FMN1: variants seen among roughly 807,000 people sequenced by gnomAD.
The protein encoded by FMN1 is formin-1.
FMN1 carries 110 observed loss-of-function variants against 132.4 expected under a neutral mutation model. The observed-to-expected ratio is 0.83, with a 90% CI of 0.71 to 0.97. The LOEUF is 0.97. Among genes scored for constraint, FMN1 ranks in the 50% least tolerant of loss-of-function variants. The pLI, the probability that FMN1 is intolerant of heterozygous loss-of-function variation, is 0.00. For synonymous variants in FMN1, 722 were observed against 651.7 expected (o/e 1.11, Z -1.64); for missense variants, 1,792 against 1,705.3 (o/e 1.05, Z -0.90).
At chr15:32,855,253 C>T (rs1016086389) in intron 17 of FMN1, among the ~76,000 whole-genome samples, 19 of 151,408 alleles carry the variant, frequency 1.3e-4, no homozygotes, top group African/African-American at 4.1e-4. Context: ...GAGTTGGGCC[C>T]GGGTATCAAG....
intron 6 of FMN1, among the ~76,000 whole-genome samples, chr15:33,050,434 G>A (rs2036917004): frequency 6.6e-6 from 1 of 151,708 alleles, no homozygotes; most frequent in African/African-American, 2.4e-5. Context: ...AAATCAGTAA[G>A]AAAAATGACT....
intron 6 of FMN1, among the ~76,000 whole-genome samples, chr15:33,024,287 C>A: frequency 7.8e-6 from 1 of 128,422 alleles, no homozygotes; most frequent in South Asian, 2.6e-4. Flanking sequence ...CGCTCTGTCG[C>A]CCAGGCTGGA....
At chr15:33,141,186 A>G (rs184408471) in intron 4 of FMN1, among the ~76,000 whole-genome samples, 21 of 152,276 alleles carry the variant, frequency 1.4e-4, no homozygotes, top group Admixed American at 1.3e-3. Context: ...AATATAGACA[A>G]ATTCACCAGT....
At chr15:32,867,770 C>T (rs1285889525) in intron 16 of FMN1, among the ~76,000 whole-genome samples, 3 of 152,308 alleles carry the variant, frequency 2.0e-5, no homozygotes, top group South Asian at 4.1e-4. Context: ...GGATTACAGG[C>T]GTGAGCCACC....
At chr15:32,835,487 T>C (rs2058601545) in intron 17 of FMN1, among the ~76,000 whole-genome samples, 1 of 152,174 alleles carries the variant, frequency 6.6e-6, no homozygotes, top group South Asian at 2.1e-4. Context: ...AAACCAAAGA[T>C]GCTTGGAGAT....
chr15:32,964,867 C>A (rs2031042090), intron 8 of FMN1, among the ~76,000 whole-genome samples: 1 of 152,118 alleles, frequency 6.6e-6, no homozygotes, highest in African/African-American at 2.4e-5. Flanking sequence ...CAAAAACCAA[C>A]CAAAAACCTC....
chr15:32,792,213 G>A (rs1433511347), intron 19 of FMN1, among the ~76,000 whole-genome samples: 2 of 149,678 alleles, frequency 1.3e-5, no homozygotes, highest in Non-Finnish European at 3.0e-5. Flanking sequence ...GCCGAGGCGG[G>A]CAGATCACGA....
At chr15:32,888,792 A>G (rs2059955778) in intron 15 of FMN1, among the ~76,000 whole-genome samples, 1 of 152,048 alleles carries the variant, frequency 6.6e-6, no homozygotes, top group Non-Finnish European at 1.5e-5. Flanking sequence ...CTGTGGCTTA[A>G]AGCTCTTCTG....
chr15:33,002,312 A>G (rs1160953194), intron 7 of FMN1, among the ~76,000 whole-genome samples: 1 of 152,194 alleles, frequency 6.6e-6, no homozygotes, highest in Non-Finnish European at 1.5e-5. Flanking sequence ...ATAGCTGCCA[A>G]TGGAAATCAC....
intron 6 of FMN1, among the ~76,000 whole-genome samples, chr15:33,020,874 CATTTGATCATTTTAT>C (rs1362078104): frequency 1.3e-5 from 2 of 152,128 alleles, no homozygotes; most frequent in Admixed American, 1.3e-4. Flanking sequence ...TATTGTATTT[CATTTGATCATTTTAT>C]ATATGTTAAT....
chr15:33,129,045 G>A (rs372288993), intron 4 of FMN1, among the ~76,000 whole-genome samples: 1 of 147,310 alleles, frequency 6.8e-6, no homozygotes, highest in African/African-American at 2.6e-5. Flanking sequence ...CCTCTAGCTA[G>A]ACACAGAGCA....
At chr15:32,854,131 T>A (rs1225980194) in intron 17 of FMN1, among the ~76,000 whole-genome samples, 1 of 152,248 alleles carries the variant, frequency 6.6e-6, no homozygotes, top group Non-Finnish European at 1.5e-5. Context: ...TTATTTAACA[T>A]ATCTAAAATG....
intron 6 of FMN1, among the ~76,000 whole-genome samples, chr15:33,055,549 A>C (rs1414241868): frequency 6.6e-6 from 1 of 152,214 alleles, no homozygotes; most frequent in African/African-American, 2.4e-5. Flanking sequence ...AGGCTTTTCA[A>C]TAAACAATTC....
In FMN1 at chr15:33,086,403, G is replaced by A. The variant is rs577764741; in HGVS notation, c.2043+2396C>T. On this transcript the variant is annotated intron_variant, in intron 5 of 20. Coordinates refer to ENST00000616417, the MANE Select transcript of FMN1 (RefSeq NM_001277313.2). ...ATCAAATTGTACAGTCGTCTCAGCT[G>A]CTAAGATTATGAGGTTTTTTTTTCA... 3.3e-5 allele frequency among the ~76,000 whole-genome samples: 5 copies of A among 151,530 alleles called. No homozygotes were observed. In the East Asian group the frequency reaches 9.7e-4, roughly 29 times the overall value.
intron 4 of FMN1, among the ~76,000 whole-genome samples, chr15:33,090,727 T>A (rs563649988): frequency 6.6e-6 from 1 of 152,222 alleles, no homozygotes; most frequent in East Asian, 1.9e-4. Flanking sequence ...TGCTTTAGAG[T>A]GACCCACTTC....
At chr15:32,989,195 G>A (rs2033277243) in intron 7 of FMN1, among the ~76,000 whole-genome samples, 1 of 152,190 alleles carries the variant, frequency 6.6e-6, no homozygotes, top group African/African-American at 2.4e-5. Context: ...GCATTACTGT[G>A]ATGGCAGATT....
At chr15:32,795,059 G>T (rs1013624201) in intron 19 of FMN1, among the ~76,000 whole-genome samples, 49 of 152,240 alleles carry the variant, frequency 3.2e-4, no homozygotes, top group Non-Finnish European at 7.2e-4. Flanking sequence ...AATTAGCTAG[G>T]TATGGTGATG....
chr15:32,949,978 T>TATTAAAAA lies in FMN1; in HGVS notation c.3138+14128_3138+14129insTTTTTAAT, dbSNP rs1275873476. 5.5e-5 allele frequency among the ~76,000 whole-genome samples: 2 copies of TATTAAAAA among 36,204 alleles called. 1 individual carries two copies. Among genetic ancestry groups the TATTAAAAA allele is most frequent in the African/African-American group, 3.2e-4 (2 of 6,248 alleles). The allele number at this position is 36,204 out of a possible 152,430, so 23.8% of individuals were successfully genotyped here. ...ATATATATATATACACACATATATA[T>TATTAAAAA]ACACACACATATATATACACATACA... On this transcript the variant is annotated intron_variant, in intron 9 of 20. Coordinates refer to ENST00000616417, the MANE Select transcript of FMN1 (RefSeq NM_001277313.2).
intron 2 of FMN1, among the ~76,000 whole-genome samples, chr15:33,186,284 T>C (rs1283409940): frequency 2.0e-5 from 3 of 152,158 alleles, no homozygotes; most frequent in African/African-American, 7.2e-5. Context: ...ATCCAACTCC[T>C]TTCCTGCCCA....
Sources: allele counts gnomAD v4.1 joint callset (sites outside exome capture counted in the v4.1 genomes callset), GRCh38; gene constraint gnomAD v4.1.1; transcripts MANE v1.5; gene names NCBI Gene and HGNC (gene_info 2026-07-23, HGNC 2026-07-21).